The following SLC4A3 variants were observed in gnomAD, a reference collection of about 807,000 sequenced individuals.
SLC4A3 encodes the protein anion exchange protein 3.
A neutral mutation model predicts 114.2 loss-of-function variants in SLC4A3; 47 were observed. The ratio of observed to expected loss-of-function variants is 0.41; its 90% CI spans 0.33 to 0.52. SLC4A3 has a LOEUF of 0.52. SLC4A3 is among the 20% of genes least tolerant of loss of function. The pLI, the probability that SLC4A3 is intolerant of heterozygous loss-of-function variation, is 0.21. For missense variants in SLC4A3, 1,312 were observed against 1,668.3 expected (o/e 0.79, Z 3.72); for synonymous variants, 693 against 710.3 (o/e 0.98, Z 0.39).
At position 219,636,374 on chromosome 2, in the gene SLC4A3, C is replaced by T. The variant is rs1367788018; in HGVS notation, c.2264C>T (p.Ser755Phe). ...ACCGCTGTGCTCGGCGTCCTCTTCTCTCTGCTGGGAGCTCAGCCGCTGCTT... is the reference window on the plus strand; with the variant it reads ...ACCGCTGTGCTCGGCGTCCTCTTCTTTCTGCTGGGAGCTCAGCCGCTGCTT... ...VSTAVLGVLF[S>F]LLGAQPLLVV... The change falls in exon 15 of 23, where the codon TCT (serine) becomes TTT (phenylalanine). Residue 755 changes from serine to phenylalanine, a missense_variant. This residue lies in a region of SLC4A3 where 771 missense variants were observed against 977.7 expected (regional missense o/e 0.79). Transcript: ENST00000358055. The surrounding 1 kb of genome is among the most constrained non-coding windows in gnomAD (Gnocchi z 5.5). 2 of 1,613,816 alleles carry T rather than the reference C, an allele frequency of 1.2e-6. No homozygotes were observed.
intron 9 of SLC4A3, 114 bp from the exon 10 acceptor site, chr2:219,633,160 T>C: frequency 1.4e-6 from 2 of 1,390,996 alleles, no homozygotes; most frequent in Non-Finnish European, 9.9e-7. Flanking sequence ...CATTATAAAG[T>C]TTCTTTTTAC....
intron 8 of SLC4A3, 115 bp downstream of exon 8, chr2:219,632,557 C>T (rs989389407): frequency 3.2e-6 from 4 of 1,250,270 alleles, no homozygotes; most frequent in Non-Finnish European, 4.4e-6. Flanking sequence ...CCAACTGCCA[C>T]CTGGGACCGT....
chr2:219,633,158 A>C, intron 9 of SLC4A3, 116 bp from the exon 10 acceptor site: 1 of 1,388,684 alleles, frequency 7.2e-7, no homozygotes, highest in Non-Finnish European at 9.9e-7. Context: ...ATCATTATAA[A>C]GTTTCTTTTT....
In SLC4A3 at chr2:219,637,884, C is replaced by A; in HGVS notation, c.2766+73C>A. ...CTGTAGGAGCTCCCCAGAGAGGCTG[C>A]ACCCCTTCCCCGGTCAGCCCATGGA... On this transcript the variant is annotated intron_variant, in intron 17 of 22. Transcript: ENST00000358055. This position sits in a 1 kb window ranked among gnomAD's most constrained non-coding sequence, Gnocchi z 4.6. The A allele has an allele frequency of 8.0e-7, 1 of 1,242,738 alleles. No homozygotes were observed. Among genetic ancestry groups the A allele is most frequent in the Non-Finnish European group, 1.2e-6 (1 of 850,884 alleles). 77.0% of individuals were successfully genotyped at this position (1,242,738 alleles called of 1,614,324 possible). A position where few individuals can be genotyped will look rare whatever the true frequency, so the allele number is the denominator to read the frequency against.
rs1482170547 is a variant in SLC4A3, at chr2:219,641,646, T to C, written c.3622-5T>C. Reference sequence around the variant, plus strand: ...GCCTTCCCCAACCTTCTGTTCCCTCTGCAGCTGGACTCGGAAGATGCTGAA... The same window carrying C: ...GCCTTCCCCAACCTTCTGTTCCCTCCGCAGCTGGACTCGGAAGATGCTGAA... On this transcript the variant is annotated splice_polypyrimidine_tract_variant and splice_region_variant and intron_variant, in intron 22 of 22. Transcript: ENST00000358055. The surrounding 1 kb of genome is among the most constrained non-coding windows in gnomAD (Gnocchi z 4.0). The C allele has an allele frequency of 1.9e-6, 3 of 1,613,246 alleles. No homozygotes were observed. The highest frequency in any genetic ancestry group is 2.5e-6 in the Non-Finnish European group (3 of 1,179,298).
At chr2:219,629,781 G>C in intron 5 of SLC4A3, 86 bp downstream of exon 5, 1 of 895,110 alleles carries the variant, frequency 1.1e-6, no homozygotes, top group Non-Finnish European at 1.7e-6. Context: ...TCCTGACCCT[G>C]GGGAGTGTCC....
Position 219,628,480 on chromosome 2 carries a change from G to T in SLC4A3, c.127G>T (p.Ala43Ser), listed in dbSNP as rs747723617. 1.3e-5 allele frequency: 21 copies of T among 1,613,770 alleles called. No homozygotes were observed. Among genetic ancestry groups the T allele is most frequent in the Non-Finnish European group, 1.4e-5 (16 of 1,179,922 alleles). The stretch of plus-strand genomic sequence containing the variant: ...GGACGATGACTTGGGCAAGACCTTG[G>T]CTGTGAGCAGGTTTGGGGACCTCAT... ...EEDDDLGKTLAVSRFGDLISK... is the reference protein window; with the variant it reads ...EEDDDLGKTLSVSRFGDLISK... Residue 43 changes from alanine to serine, a missense_variant, in exon 3 of 23, where the codon GCT becomes TCT. Physicochemically the swap from Ala to Ser is moderately conservative, Grantham distance 99. Coordinates refer to ENST00000358055, the MANE Select transcript of SLC4A3 (RefSeq NM_005070.4). The surrounding 1 kb of genome is among the most constrained non-coding windows in gnomAD (Gnocchi z 4.8).
chr2:219,639,481 G>T lies in SLC4A3; in HGVS notation c.3024-1G>T. 1 of 1,612,266 alleles carries T rather than the reference G, an allele frequency of 6.2e-7. No homozygotes were observed. The highest frequency in any genetic ancestry group is 8.5e-7 in the Non-Finnish European group (1 of 1,179,436). On this transcript the variant is annotated splice_acceptor_variant, in intron 19 of 22. Transcript: ENST00000358055. LOFTEE classifies it high-confidence loss of function. The surrounding 1 kb of genome is among the most constrained non-coding windows in gnomAD (Gnocchi z 5.9). ...CCCCGCTCCCCACCTTCTCCCTGCA[G>T]GCTTATCGTCAGCCAGAAGGCGCGG...
intron 3 of SLC4A3, 136 bp from the exon 4 acceptor site, chr2:219,629,008 G>T: frequency 9.4e-7 from 1 of 1,058,380 alleles, no homozygotes; most frequent in South Asian, 1.7e-5. Flanking sequence ...GGACACAGGT[G>T]TTGGGGGGTC....
rs757258423 is a variant in SLC4A3, at chr2:219,629,247, G to C, written c.321G>C (p.Arg107Ser). Reference protein sequence around the residue: ...RLPPTSARHTRRKRKKEKTSA... With the variant: ...RLPPTSARHTSRKRKKEKTSA... ...CCCCCACCTCTGCCCGGCACACCAGGAGAAAGAGGAAGAAGGAGAAAACCT... is the reference window on the plus strand; with the variant it reads ...CCCCCACCTCTGCCCGGCACACCAGCAGAAAGAGGAAGAAGGAGAAAACCT... Residue 107 changes from arginine to serine, a missense_variant, in exon 4 of 23, where the codon AGG becomes AGC. Around this residue, in one of 4 missense-constraint regions of SLC4A3, gnomAD observed 236 missense variants for 212.1 expected, o/e 1.11. Coordinates refer to ENST00000358055, the MANE Select transcript of SLC4A3 (RefSeq NM_005070.4). 1.3e-5 allele frequency: 21 copies of C among 1,613,770 alleles called. 1 individual carries two copies. The highest frequency in any genetic ancestry group is 1.2e-5 in the Non-Finnish European group (14 of 1,179,984).
Position 219,630,249 on chromosome 2 carries a change from C to G in SLC4A3, c.708C>G (p.Cys236Trp). 1 of 1,613,404 alleles carries G rather than the reference C, an allele frequency of 6.2e-7. No individual in the cohort carries two copies. The highest frequency in any genetic ancestry group is 8.5e-7 in the Non-Finnish European group (1 of 1,179,940). ...SASYDLRERL[C>W]PGSALGNPGG... is the part of the protein sequence containing the mutation. ...GTTATGACCTGCGGGAGCGACTGTG[C>G]CCAGGCAGTGCCCTGGGCAACCCAG... The change falls in exon 6 of 23, where the codon TGC becomes TGG. Residue 236 changes from cysteine to tryptophan, a missense_variant. Physicochemically the swap from Cys to Trp is radical, Grantham distance 215. Coordinates refer to ENST00000358055, the MANE Select transcript of SLC4A3 (RefSeq NM_005070.4). This position sits in a 1 kb window ranked among gnomAD's most constrained non-coding sequence, Gnocchi z 6.9.
chr2:219,632,492 G>T (rs1161978062), intron 8 of SLC4A3, 50 bp downstream of exon 8: 3 of 1,519,262 alleles, frequency 2.0e-6, no homozygotes, highest in Non-Finnish European at 2.7e-6. Context: ...TTCAGTCTGT[G>T]CCAGGCTGCT....
At position 219,638,275 on chromosome 2, in the gene SLC4A3, G is replaced by A. The variant is rs774161534; in HGVS notation, c.2856+22G>A. 16 of 1,568,040 alleles carry A rather than the reference G, an allele frequency of 1.0e-5. No individual in the cohort carries two copies. Among genetic ancestry groups the A allele is most frequent in the Non-Finnish European group, 1.3e-5 (15 of 1,141,900 alleles). ...GCAGGTGAGGGAGCCCCAGCCTGTGGCAGCTGCTGTCACCCCCAGGCCAGG... is the reference window on the plus strand; with the variant it reads ...GCAGGTGAGGGAGCCCCAGCCTGTGACAGCTGCTGTCACCCCCAGGCCAGG... On this transcript the variant is annotated intron_variant, in intron 18 of 22. Coordinates refer to ENST00000358055, the MANE Select transcript of SLC4A3 (RefSeq NM_005070.4). The surrounding 1 kb of genome is among the most constrained non-coding windows in gnomAD (Gnocchi z 7.5).
chr2:219,633,584 G>T lies in SLC4A3; in HGVS notation c.1461+127G>T, dbSNP rs1453676834. 6 of 921,244 alleles carry T rather than the reference G, an allele frequency of 6.5e-6. No homozygotes were observed. The South Asian group carries it at 1.2e-4, about 18-fold the overall frequency. 57.1% of individuals were successfully genotyped at this position (921,244 alleles called of 1,614,324 possible). A position where few individuals can be genotyped will look rare whatever the true frequency, so the allele number is the denominator to read the frequency against. ...GCTGGCATCATGCTGGGCATTCGGG[G>T]ACCTAGAGGAGACCCGCATGAGGGG... On this transcript the variant is annotated intron_variant, in intron 10 of 22. Coordinates refer to ENST00000358055, the MANE Select transcript of SLC4A3 (RefSeq NM_005070.4).
rs893950459 is a variant in SLC4A3 at position 219,638,142 on chromosome 2, T to C, written c.2767-22T>C. On this transcript the variant is annotated intron_variant, in intron 17 of 22. Transcript: ENST00000358055. The surrounding 1 kb of genome is among the most constrained non-coding windows in gnomAD (Gnocchi z 7.5). Reference sequence around the variant, plus strand: ...ACCTTGCCTCCACCTTTTGCTCCCTTCCCCAACTGGCCCCTCTCAAGGCTC... The same window carrying C: ...ACCTTGCCTCCACCTTTTGCTCCCTCCCCCAACTGGCCCCTCTCAAGGCTC... 4 of 1,593,800 alleles carry C rather than the reference T, an allele frequency of 2.5e-6. No individual in the cohort carries two copies. Among genetic ancestry groups the C allele is most frequent in the Non-Finnish European group, 3.4e-6 (4 of 1,166,028 alleles).
chr2:219,631,847 G>A lies in SLC4A3; in HGVS notation c.812-121G>A, dbSNP rs897740820. ...CACATGGGATTATGTGGTTCCCGTC[G>A]GCATGGCCTGTTGGTGACTGTAGAG... On this transcript the variant is annotated intron_variant, in intron 6 of 22. Transcript: ENST00000358055. This position sits in a 1 kb window ranked among gnomAD's most constrained non-coding sequence, Gnocchi z 6.3. 36 of 1,098,344 alleles carry A rather than the reference G, an allele frequency of 3.3e-5. No individual in the cohort carries two copies. The highest frequency in any genetic ancestry group is 4.5e-5 in the Non-Finnish European group (34 of 759,190). The allele number at this position is 1,098,344 out of a possible 1,614,324, so 68.0% of individuals were successfully genotyped here. A position where few individuals can be genotyped will look rare whatever the true frequency, so the allele number is the denominator to read the frequency against.
In SLC4A3 at chr2:219,636,938, A is replaced by G. The variant is rs1402659082; in HGVS notation, c.2535+64A>G. 27 of 1,376,650 alleles carry G rather than the reference A, an allele frequency of 2.0e-5. No homozygotes were observed. Among genetic ancestry groups the G allele is most frequent in the Non-Finnish European group, 2.6e-5 (25 of 980,266 alleles). 85.3% of individuals were successfully genotyped at this position (1,376,650 alleles called of 1,614,324 possible). On this transcript the variant is annotated intron_variant, in intron 16 of 22. Transcript: ENST00000358055. This position sits in a 1 kb window ranked among gnomAD's most constrained non-coding sequence, Gnocchi z 5.5. ...AGGTGGACATTGCCCTGGGGAGGAC[A>G]GCATGGGAGGGGGAGGTATGGAGAA...
intron 5 of SLC4A3, among the ~76,000 whole-genome samples, 163 bp downstream of exon 5, chr2:219,629,858 A>C (rs1450182853): frequency 1.0e-5 from 1 of 99,584 alleles, no homozygotes; most frequent in Non-Finnish European, 2.0e-5. Flanking sequence ...CTCTGTCCTC[A>C]TGATTTACAA....
chr2:219,628,485 G>A lies in SLC4A3; in HGVS notation c.132G>A (p.Val44=), dbSNP rs771781632. 2.5e-6 allele frequency: 4 copies of A among 1,613,750 alleles called. No individual in the cohort carries two copies. The highest frequency in any genetic ancestry group is 2.7e-5 in the African/African-American group (2 of 74,888). ...EDDDLGKTLA[V]SRFGDLISKP... is the part of the protein sequence containing the mutation. ...ATGACTTGGGCAAGACCTTGGCTGT[G>A]AGCAGGTTTGGGGACCTCATCAGCA... Residue 44 remains valine (V), a synonymous_variant, in exon 3 of 23, where the codon GTG becomes GTA. Coordinates refer to ENST00000358055, the MANE Select transcript of SLC4A3 (RefSeq NM_005070.4). This position sits in a 1 kb window ranked among gnomAD's most constrained non-coding sequence, Gnocchi z 4.8.
Sources: allele counts gnomAD v4.1 joint callset (sites outside exome capture counted in the v4.1 genomes callset), GRCh38; gene constraint gnomAD v4.1.1; regional missense constraint gnomAD v4.1.1; non-coding constraint Gnocchi (gnomAD v3.1); transcripts MANE v1.5; gene names NCBI Gene and HGNC (gene_info 2026-07-23, HGNC 2026-07-21).